The following CASK variants were observed in gnomAD, a reference collection of about 807,000 sequenced individuals.
CASK encodes calcium/calmodulin dependent serine protein kinase, also known as peripheral plasma membrane protein CASK.
A neutral mutation model predicts 82.9 loss-of-function variants in CASK; 4 were observed. The ratio of observed to expected loss-of-function variants is 0.05; its 90% CI spans 0.02 to 0.11. The LOEUF (loss-of-function observed/expected upper bound fraction) is 0.11, where lower values mean the gene tolerates loss of function less well. Ranked by LOEUF, CASK falls within the 10% of genes least tolerant of loss-of-function variation. CASK has a pLI of 1.00. For synonymous variants in CASK, 259 were observed against 253.5 expected, an observed-to-expected ratio of 1.02 and a Z score of -0.20; for missense variants, 358 against 720.9, an observed-to-expected ratio of 0.50 and a Z score of 5.76.
chrX:41,701,903 T>C lies in CASK; in HGVS notation c.430-30373A>G, dbSNP rs755550710. Among the ~76,000 whole-genome samples, 4 of 112,379 alleles carry C rather than the reference T, an allele frequency of 3.6e-5. No individual in the cohort carries two copies. In the East Asian group the frequency reaches 1.1e-3, roughly 31 times the overall value. On this transcript the variant is annotated intron_variant, in intron 5 of 26. Transcript: ENST00000378163. Reference sequence around the variant, plus strand: ...CAACTGTATTTTACATATGTAGGGATGCAAGTTGGTAGACTTCCATTCTAC... The same window carrying C: ...CAACTGTATTTTACATATGTAGGGACGCAAGTTGGTAGACTTCCATTCTAC...
At position 41,641,921 on chromosome X, in the gene CASK, G is replaced by C. The variant is rs772911887; in HGVS notation, c.832-5260C>G. On this transcript the variant is annotated intron_variant, in intron 8 of 26. Transcript: ENST00000378163. ...TCCCCCGACCCGACGACAGGCCCCAGTGTGTGATGTTCCCCACCCTGTGTC... is the reference window on the plus strand; with the variant it reads ...TCCCCCGACCCGACGACAGGCCCCACTGTGTGATGTTCCCCACCCTGTGTC... 5.0e-5 allele frequency among the ~76,000 whole-genome samples: 4 copies of C among 79,679 alleles called. No homozygotes were observed. The East Asian group carries it at 1.8e-3, about 36-fold the overall frequency. The allele number at this position is 79,679 out of a possible 115,157, so 69.2% of individuals were successfully genotyped here.
Position 41,909,976 on chromosome X carries a change from C to G in CASK, c.59+12954G>C, listed in dbSNP as rs192028996. On this transcript the variant is annotated intron_variant, in intron 1 of 26. Coordinates refer to ENST00000378163, the MANE Select transcript of CASK (RefSeq NM_001367721.1). ...GTGGCTCATGCCTGTAATCCCAGCA[C>G]TTTGGGAGGCCGAGGCAGGCAGATC... is the stretch of plus-strand genomic sequence containing the variant. Among the ~76,000 whole-genome samples the G allele has an allele frequency of 1.4e-4, 16 of 111,311 alleles. No individual in the cohort carries two copies. The Admixed American group carries it at 1.5e-3, about 10-fold the overall frequency.
chrX:41,714,160 G>A (rs2068026198), intron 5 of CASK, among the ~76,000 whole-genome samples: 1 of 111,499 alleles, frequency 9.0e-6, no homozygotes, highest in Non-Finnish European at 1.9e-5. Context: ...GGGACAGAAA[G>A]TAAGGGTTGG....
intron 3 of CASK, among the ~76,000 whole-genome samples, chrX:41,784,728 T>C (rs1336494116): frequency 2.7e-5 from 3 of 109,787 alleles, no homozygotes; most frequent in African/African-American, 9.9e-5. Context: ...ATACAAAAAT[T>C]AGCCGGGCAT....
At chrX:41,734,521 A>T (rs193119136) in intron 5 of CASK, among the ~76,000 whole-genome samples, 33 of 112,439 alleles carry the variant, frequency 2.9e-4, no homozygotes, top group Non-Finnish European at 5.1e-4. Flanking sequence ...ATTCTTTCAC[A>T]AGAAAAAGTA....
chrX:41,652,286 A>G (rs1251479478), intron 8 of CASK, among the ~76,000 whole-genome samples: 2 of 111,254 alleles, frequency 1.8e-5, no homozygotes, highest in African/African-American at 6.5e-5. Flanking sequence ...AAGAAAGAAT[A>G]CCTAGGGGGA....
intron 10 of CASK, among the ~76,000 whole-genome samples, chrX:41,623,933 C>T (rs1260192108): frequency 1.8e-5 from 2 of 111,612 alleles, no homozygotes; most frequent in East Asian, 5.6e-4. Context: ...TGGTCACAAA[C>T]TCTTAGGCTC....
intron 1 of CASK, among the ~76,000 whole-genome samples, chrX:41,862,085 T>G (rs977559877): frequency 9.1e-6 from 1 of 109,298 alleles, no homozygotes; most frequent in Non-Finnish European, 1.9e-5. Context: ...AATCTGTGGA[T>G]AGCATGGTAC....
At chrX:41,637,708 A>T (rs1291537974) in intron 8 of CASK, among the ~76,000 whole-genome samples, 1 of 109,532 alleles carries the variant, frequency 9.1e-6, no homozygotes, top group Non-Finnish European at 1.9e-5. Context: ...CAGTGGTGAG[A>T]TCCTGGCTCA....
chrX:41,588,143 C>T (rs891877400), intron 13 of CASK: 3 of 112,018 alleles, frequency 2.7e-5, no homozygotes, highest in South Asian at 3.7e-4. Context: ...CTTTCTTATC[C>T]GAATACCCTG....
intron 16 of CASK, among the ~76,000 whole-genome samples, chrX:41,564,861 G>T (rs773832922): frequency 9.0e-6 from 1 of 111,698 alleles, no homozygotes; most frequent in Admixed American, 9.6e-5. Flanking sequence ...AAATGTAAAA[G>T]AACAAAAATC....
intron 3 of CASK, among the ~76,000 whole-genome samples, chrX:41,758,991 T>C (rs1291364251): frequency 8.9e-6 from 1 of 112,229 alleles, no homozygotes; most frequent in African/African-American, 3.2e-5. Flanking sequence ...GTGAACTCTT[T>C]ATGTTCGATA....
At chrX:41,578,258 C>T (rs2065511874) in intron 15 of CASK, 82 bp downstream of exon 15, 1 of 702,729 alleles carries the variant, frequency 1.4e-6, no homozygotes, top group South Asian at 2.5e-5. Flanking sequence ...TCCCCAACTC[C>T]TAGTAGCATA....
At chrX:41,695,722 G>A (rs1265198544) in intron 5 of CASK, 2 of 1,204,003 alleles carry the variant, frequency 1.7e-6, no homozygotes, top group Non-Finnish European at 2.2e-6. Context: ...ACCAATCATA[G>A]CGACCAACCG....
At chrX:41,905,113 A>T (rs1184982845) in intron 1 of CASK, among the ~76,000 whole-genome samples, 4 of 112,243 alleles carry the variant, frequency 3.6e-5, no homozygotes, top group Non-Finnish European at 7.5e-5. Context: ...GTGTGCAACT[A>T]CCACATTTTG....
At chrX:41,701,892 A>G (rs1200937038) in intron 5 of CASK, among the ~76,000 whole-genome samples, 1 of 112,389 alleles carries the variant, frequency 8.9e-6, no homozygotes, top group East Asian at 2.8e-4. Context: ...TGTATTTTAC[A>G]TATGTAGGGA....
At chrX:41,804,076 G>A (rs749023730) in intron 2 of CASK, among the ~76,000 whole-genome samples, 4 of 111,677 alleles carry the variant, frequency 3.6e-5, no homozygotes, top group South Asian at 7.5e-4. Flanking sequence ...GGCCAGGCGC[G>A]GTGACTCATG....
chrX:41,658,367 TG>T (rs1441398941), intron 8 of CASK, among the ~76,000 whole-genome samples: 1 of 111,913 alleles, frequency 8.9e-6, no homozygotes, highest in Non-Finnish European at 1.9e-5. Flanking sequence ...GTGAGGGTTG[TG>T]GGACTGAGCC....
chrX:41,853,545 G>A (rs1272574110), intron 1 of CASK, among the ~76,000 whole-genome samples: 1 of 111,515 alleles, frequency 9.0e-6, no homozygotes, highest in Non-Finnish European at 1.9e-5. Flanking sequence ...ATTCTATATA[G>A]ATTATCAACA....
Sources: allele counts gnomAD v4.1 joint callset (sites outside exome capture counted in the v4.1 genomes callset), GRCh38; gene constraint gnomAD v4.1.1; transcripts MANE v1.5; gene names NCBI Gene and HGNC (gene_info 2026-07-23, HGNC 2026-07-21).